GRID2: variants seen among roughly 807,000 people sequenced by gnomAD.
GRID2 encodes glutamate receptor ionotropic, delta-2.
Under a neutral mutation model 114.8 loss-of-function variants are expected in GRID2, and 33 were observed. The observed-to-expected ratio is 0.29, with a 90% confidence interval of 0.22 to 0.38. The LOEUF (loss-of-function observed/expected upper bound fraction) is 0.38. GRID2 is among the 10% of genes least tolerant of loss of function. The pLI is 1.00. For missense variants in GRID2, 1,184 were observed against 1,257.7 expected, an observed-to-expected ratio of 0.94 and a Z score of 0.89; for synonymous variants, 505 against 449.9, an observed-to-expected ratio of 1.12 and a Z score of -1.55.
intron 8 of GRID2, among the ~76,000 whole-genome samples, chr4:93,300,667 C>A (rs1035665485): frequency 2.0e-5 from 3 of 152,164 alleles, no homozygotes; most frequent in African/African-American, 7.2e-5. Flanking sequence ...AATACTGTAG[C>A]AGGACGAGCC....
intron 2 of GRID2, among the ~76,000 whole-genome samples, chr4:92,969,117 G>A (rs1753335774): frequency 6.6e-6 from 1 of 151,618 alleles, no homozygotes; most frequent in African/African-American, 2.4e-5. Context: ...TATACTATGT[G>A]TAGTTTTGAC....
chr4:92,556,835 A>G (rs1269899926), intron 1 of GRID2, among the ~76,000 whole-genome samples: 2 of 152,136 alleles, frequency 1.3e-5, no homozygotes, highest in Non-Finnish European at 2.9e-5. Flanking sequence ...GCCATATTCT[A>G]ATTATTAGAT....
chr4:93,787,916 G>C (rs1734624438), intron 1 of GRID2, among the ~76,000 whole-genome samples: 1 of 152,146 alleles, frequency 6.6e-6, no homozygotes, highest in Admixed American at 6.5e-5. Context: ...TAGACTCAGG[G>C]AAAATATTTT....
intron 8 of GRID2, among the ~76,000 whole-genome samples, chr4:93,360,926 C>T (rs998478900): frequency 3.3e-5 from 5 of 151,718 alleles, no homozygotes; most frequent in African/African-American, 1.2e-4. Context: ...CTAAGATTTT[C>T]ACATTGTATA....
chr4:93,582,690 T>C (rs1578313717), intron 13 of GRID2, among the ~76,000 whole-genome samples: 2 of 152,170 alleles, frequency 1.3e-5, no homozygotes, highest in East Asian at 1.9e-4. Context: ...ATGGAGACCT[T>C]ACTTGTTATG....
intron 8 of GRID2, among the ~76,000 whole-genome samples, chr4:93,275,376 T>G (rs1381434403): frequency 6.6e-6 from 1 of 151,776 alleles, no homozygotes; most frequent in African/African-American, 2.4e-5. Flanking sequence ...TGTTATGAAC[T>G]TTGTGAGCAA....
At chr4:92,944,989 C>A (rs932380194) in intron 2 of GRID2, among the ~76,000 whole-genome samples, 1 of 152,050 alleles carries the variant, frequency 6.6e-6, no homozygotes. Context: ...TTATATGAAA[C>A]CTGTGAATAA....
chr4:93,305,744 A>G (rs1180436810), intron 8 of GRID2, among the ~76,000 whole-genome samples: 1 of 152,156 alleles, frequency 6.6e-6, no homozygotes, highest in Non-Finnish European at 1.5e-5. Context: ...AGCCAGCATA[A>G]TTTCTTATTA....
chr4:92,922,768 C>T (rs993363864), intron 2 of GRID2, among the ~76,000 whole-genome samples: 4 of 152,054 alleles, frequency 2.6e-5, no homozygotes, highest in Admixed American at 2.0e-4. Flanking sequence ...ATCTCACAAA[C>T]GTCATGCTGA....
intron 1 of GRID2, among the ~76,000 whole-genome samples, chr4:92,378,591 C>A (rs1032477435): frequency 3.3e-5 from 5 of 151,992 alleles, no homozygotes; most frequent in Admixed American, 6.6e-5. Flanking sequence ...TATTCCCTAT[C>A]TTGAGCACAC....
chr4:93,617,005 A>T (rs989140761), intron 13 of GRID2, among the ~76,000 whole-genome samples: 1 of 152,044 alleles, frequency 6.6e-6, no homozygotes, highest in Non-Finnish European at 1.5e-5. Context: ...AAAAAAAAAA[A>T]TTCATAAAAA....
chr4:92,828,757 C>G (rs916451173), intron 2 of GRID2, among the ~76,000 whole-genome samples: 1 of 151,958 alleles, frequency 6.6e-6, no homozygotes, highest in Non-Finnish European at 1.5e-5. Context: ...AATTTGCTAG[C>G]TTTTTTTATG....
chr4:92,385,486 A>AT (rs76335072), intron 1 of GRID2, among the ~76,000 whole-genome samples: 80 of 149,444 alleles, frequency 5.4e-4, no homozygotes, highest in African/African-American at 1.2e-3. Flanking sequence ...AAATCAAACC[A>AT]TTTTTTTTTT....
At chr4:93,021,290 A>C (rs919705522) in intron 2 of GRID2, among the ~76,000 whole-genome samples, 1 of 151,388 alleles carries the variant, frequency 6.6e-6, no homozygotes, top group South Asian at 2.1e-4. Context: ...TAATTTATAG[A>C]TAACTGTCTA....
At chr4:92,863,126 G>A (rs1744643347) in intron 2 of GRID2, among the ~76,000 whole-genome samples, 1 of 152,038 alleles carries the variant, frequency 6.6e-6, no homozygotes, top group African/African-American at 2.4e-5. Flanking sequence ...GAGTTTTTCT[G>A]TCTGATGAAA....
intron 2 of GRID2, among the ~76,000 whole-genome samples, chr4:92,856,840 C>T (rs920746541): frequency 2.0e-5 from 3 of 152,052 alleles, no homozygotes; most frequent in Non-Finnish European, 2.9e-5. Context: ...TCACAGATAC[C>T]GAACTTTTTT....
At chr4:92,483,685 G>A (rs1422993667) in intron 1 of GRID2, among the ~76,000 whole-genome samples, 1 of 152,136 alleles carries the variant, frequency 6.6e-6, no homozygotes, top group Non-Finnish European at 1.5e-5. Flanking sequence ...AGTAGATACG[G>A]AAGGTGTAAG....
intron 1 of GRID2, among the ~76,000 whole-genome samples, chr4:92,503,131 G>T (rs2149125150): frequency 6.6e-6 from 1 of 152,176 alleles, no homozygotes; most frequent in African/African-American, 2.4e-5. Flanking sequence ...AATCCAGAAA[G>T]CCTGTACTAA....
intron 4 of GRID2, among the ~76,000 whole-genome samples, chr4:93,205,717 C>A (rs1298681338): frequency 6.6e-6 from 1 of 151,996 alleles, no homozygotes; most frequent in Admixed American, 6.6e-5. Context: ...GTTCTAGACC[C>A]CTAAGGAATC....
Sources: gnomAD v4.1 joint callset for allele counts (sites outside exome capture counted in the v4.1 genomes callset) on GRCh38, gnomAD v4.1.1 for gene constraint, MANE v1.5 for transcripts, NCBI Gene and HGNC (gene_info 2026-07-23, HGNC 2026-07-21) for gene names.